HAAO: variants seen among roughly 807,000 people sequenced by gnomAD.
HAAO encodes the protein 3-hydroxyanthranilate 3,4-dioxygenase.
HAAO carries 49 observed loss-of-function variants against 46.2 expected under a neutral mutation model. That is an observed-to-expected ratio of 1.06 (90% confidence interval 0.84 to 1.34). The LOEUF (loss-of-function observed/expected upper bound fraction) is 1.34, where lower values mean the gene tolerates loss of function less well. Among genes scored for constraint, HAAO ranks in the 40% most tolerant of loss-of-function variants. The pLI is 0.00. For synonymous variants in HAAO, 157 were observed against 145.2 expected (o/e 1.08, Z -0.58); for missense variants, 408 against 364.5 (o/e 1.12, Z -0.97).
At chr2:42,779,603 A>G (rs1671842022) in intron 4 of HAAO, among the ~76,000 whole-genome samples, 1 of 152,204 alleles carries the variant, frequency 6.6e-6, no homozygotes, top group African/African-American at 2.4e-5. Context: ...TTCAGGCGTG[A>G]GCCACCGCGC....
At chr2:42,783,565 C>T in intron 3 of HAAO, 145 bp from the exon 4 acceptor site, 1 of 677,696 alleles carries the variant, frequency 1.5e-6, no homozygotes, top group Non-Finnish European at 2.6e-6. Flanking sequence ...CTCTGCCCAG[C>T]CTCTACACCA....
chr2:42,791,655 C>G (rs1202417429), intron 1 of HAAO, among the ~76,000 whole-genome samples: 4 of 152,188 alleles, frequency 2.6e-5, no homozygotes, highest in Non-Finnish European at 5.9e-5. Context: ...GATGTAAAAA[C>G]ACTTGGCATA....
At chr2:42,788,508 A>C in intron 2 of HAAO, 21 bp downstream of exon 2, 1 of 1,522,106 alleles carries the variant, frequency 6.6e-7, no homozygotes, top group Non-Finnish European at 9.1e-7. Context: ...GCCTAGATCC[A>C]GGGAGACCAG....
intron 4 of HAAO, among the ~76,000 whole-genome samples, chr2:42,780,138 A>G (rs1167837804): frequency 6.6e-6 from 1 of 151,890 alleles, no homozygotes; most frequent in Admixed American, 6.5e-5. Context: ...TTCACAGAAA[A>G]TTGTCCTGTT....
chr2:42,767,828 G>T (rs200348146), intron 8 of HAAO, 32 bp downstream of exon 8: 9 of 1,607,478 alleles, frequency 5.6e-6, no homozygotes, highest in East Asian at 4.5e-5. Flanking sequence ...CTGGCAGGGG[G>T]TTCTGCAACC....
intron 1 of HAAO, 49 bp from the exon 2 acceptor site, chr2:42,788,656 G>T: frequency 1.7e-6 from 2 of 1,186,268 alleles, no homozygotes; most frequent in Non-Finnish European, 2.5e-6. Flanking sequence ...TCCTAGGAGT[G>T]AAGAGAGCAC....
intron 1 of HAAO, among the ~76,000 whole-genome samples, chr2:42,790,290 A>C (rs1200063685): frequency 6.6e-6 from 1 of 152,106 alleles, no homozygotes; most frequent in Non-Finnish European, 1.5e-5. Flanking sequence ...GGGCAGGAGA[A>C]GGCTGTCATG....
chr2:42,769,653 G>C, intron 7 of HAAO, 60 bp downstream of exon 7: 3 of 1,463,860 alleles, frequency 2.0e-6, no homozygotes, highest in Non-Finnish European at 2.8e-6. Context: ...GAGAGAGACT[G>C]GTTCCCATTT....
chr2:42,776,604 GTTA>G (rs1478619979), intron 4 of HAAO, among the ~76,000 whole-genome samples: 1 of 139,510 alleles, frequency 7.2e-6, no homozygotes, highest in Non-Finnish European at 1.6e-5. Context: ...TGGAAATTTT[GTTA>G]TTTGATTTTT....
chr2:42,783,160 G>C, intron 4 of HAAO, 154 bp downstream of exon 4: 1 of 601,634 alleles, frequency 1.7e-6, no homozygotes, highest in Non-Finnish European at 3.0e-6. Context: ...ACAAAGACAG[G>C]ATCTCCACTG....
chr2:42,792,405 A>T, intron 1 of HAAO, 52 bp downstream of exon 1: 1 of 960,356 alleles, frequency 1.0e-6, no homozygotes, highest in Non-Finnish European at 1.6e-6. Flanking sequence ...GCGCAGATGG[A>T]GGAGGGGGAG....
At chr2:42,778,871 T>C (rs1157236812) in intron 4 of HAAO, among the ~76,000 whole-genome samples, 2 of 151,890 alleles carry the variant, frequency 1.3e-5, no homozygotes, top group Non-Finnish European at 2.9e-5. Flanking sequence ...TCCAGCACTT[T>C]GGGAGGCTGG....
At chr2:42,785,242 A>C (rs925884655) in intron 2 of HAAO, among the ~76,000 whole-genome samples, 2 of 152,344 alleles carry the variant, frequency 1.3e-5, no homozygotes, top group South Asian at 2.1e-4. Context: ...ATTAGTATTG[A>C]TGATGGTAAG....
rs1670732349 is a variant in HAAO, at chr2:42,767,287, C to G, written c.*150G>C. 3.0e-6 allele frequency: 2 copies of G among 662,270 alleles called. No individual in the cohort carries two copies. Among genetic ancestry groups the G allele is most frequent in the African/African-American group, 1.8e-5 (1 of 56,570 alleles). 41.0% of individuals were successfully genotyped at this position (662,270 alleles called of 1,614,324 possible). Reference sequence around the variant, plus strand: ...GGCATGGCATCTGGGCTGAGAAGGGCAGGAGGGTGGGTGACAACAATGTGC... The same window carrying G: ...GGCATGGCATCTGGGCTGAGAAGGGGAGGAGGGTGGGTGACAACAATGTGC... On this transcript the variant is annotated 3_prime_UTR_variant, in exon 10 of 10. Transcript: ENST00000294973.
In HAAO at chr2:42,772,074, C is replaced by A. The variant is rs1315017854; in HGVS notation, c.351-1492G>T. ...TCCATCAGACTCACTATATTAAAGT[C>A]CCTTGTGACAAATTTTTTCTAGAAG... is the stretch of plus-strand genomic sequence containing the variant. On this transcript the variant is annotated intron_variant, in intron 4 of 9. Transcript: ENST00000294973. Among the ~76,000 whole-genome samples, 4 of 152,200 alleles carry A rather than the reference C, an allele frequency of 2.6e-5. No homozygotes were observed. In the East Asian group the frequency reaches 7.7e-4, roughly 29 times the overall value.
intron 4 of HAAO, among the ~76,000 whole-genome samples, chr2:42,780,212 T>TTG (rs1671883882): frequency 1.7e-5 from 1 of 57,312 alleles, no homozygotes; most frequent in African/African-American, 1.2e-4. Context: ...TTTTTTTTAA[T>TTG]TTTTTTTTTT....
chr2:42,786,528 T>C (rs1342598662), intron 2 of HAAO, among the ~76,000 whole-genome samples: 1 of 152,198 alleles, frequency 6.6e-6, no homozygotes, highest in Admixed American at 6.5e-5. Context: ...TGTGTGCACA[T>C]ACTCTATGCA....
In HAAO at chr2:42,777,474, G is replaced by C. The variant is rs528177131; in HGVS notation, c.350+5840C>G. ...TTCACTGCTGAAAATATAAAAAGGG[G>C]CTCTAATTAACTAAACTAAGTGCCT... is the stretch of plus-strand genomic sequence containing the variant. On this transcript the variant is annotated intron_variant, in intron 4 of 9. Transcript: ENST00000294973. Among the ~76,000 whole-genome samples, 15 of 152,136 alleles carry C rather than the reference G, an allele frequency of 9.9e-5. No individual in the cohort carries two copies. The East Asian group carries it at 2.7e-3, about 27-fold the overall frequency.
intron 2 of HAAO, 186 bp from the exon 3 acceptor site, chr2:42,784,053 C>A: frequency 1.6e-6 from 1 of 628,842 alleles, no homozygotes; most frequent in Non-Finnish European, 2.0e-6. Flanking sequence ...GTGCCGGGGA[C>A]ACATGGGATC....
Sources: allele counts gnomAD v4.1 joint callset (sites outside exome capture counted in the v4.1 genomes callset), GRCh38; gene constraint gnomAD v4.1.1; transcripts MANE v1.5; gene names NCBI Gene and HGNC (gene_info 2026-07-23, HGNC 2026-07-21).